The following NUDT10 variants were observed in gnomAD, a reference collection of about 807,000 sequenced individuals.
NUDT10 encodes diphosphoinositol polyphosphate phosphohydrolase 3-alpha.
A neutral mutation model predicts 10.5 loss-of-function variants in NUDT10; 2 were observed. That is an observed-to-expected ratio of 0.19 (90% CI 0.08 to 0.60). The LOEUF (loss-of-function observed/expected upper bound fraction) is 0.60, where lower values mean the gene tolerates loss of function less well. Among genes scored for constraint, NUDT10 ranks in the 20% least tolerant of loss-of-function variants. NUDT10 has a pLI of 0.89. For missense variants in NUDT10, 75 were observed against 149.5 expected, an observed-to-expected ratio of 0.50 and a Z score of 2.60; for synonymous variants, 53 against 71.8, an observed-to-expected ratio of 0.74 and a Z score of 1.32.
At chrX:51,333,948 T>TC (rs1557312524) in intron 1 of NUDT10, among the ~76,000 whole-genome samples, 9 of 111,067 alleles carry the variant, frequency 8.1e-5, no homozygotes, top group Non-Finnish European at 1.7e-4. Context: ...CTTTTAGTAT[T>TC]TTTTTCCCTT....
In NUDT10 at chrX:51,332,941, G is replaced by C. The variant is rs200239811; in HGVS notation, c.-25G>C. 122 of 1,206,990 alleles carry C rather than the reference G, an allele frequency of 1.0e-4. No individual in the cohort carries two copies. Among genetic ancestry groups the C allele is most frequent in the Non-Finnish European group, 1.3e-4 (118 of 893,209 alleles). ...GCGTCGGCGGCCCACACAGCAGCGA[G>C]AGGCGAGAGGAGGCTGCCTCGAGGA... On this transcript the variant is annotated 5_prime_UTR_variant, in exon 1 of 2. Transcript: ENST00000356450.
Position 51,332,864 on chromosome X carries a change from C to T in NUDT10, c.-102C>T. The T allele has an allele frequency of 9.1e-7, 1 of 1,093,559 alleles. No homozygotes were observed. Among genetic ancestry groups the T allele is most frequent in the Non-Finnish European group, 1.2e-6 (1 of 827,652 alleles). The allele number at this position is 1,093,559 out of a possible 1,213,427, so 90.1% of individuals were successfully genotyped here. On this transcript the variant is annotated 5_prime_UTR_variant, in exon 1 of 2. Transcript: ENST00000356450. ...GCCTCTCTCTCCCCGCCCCTCTCCTCGGCCCTTTCTCTTCCCAGCACCTCG... is the reference window on the plus strand; with the variant it reads ...GCCTCTCTCTCCCCGCCCCTCTCCTTGGCCCTTTCTCTTCCCAGCACCTCG...
In NUDT10 at chrX:51,336,826, A is replaced by G. The variant is rs1922851319; in HGVS notation, c.*587A>G. On this transcript the variant is annotated 3_prime_UTR_variant, in exon 2 of 2. Coordinates refer to ENST00000356450, the MANE Select transcript of NUDT10 (RefSeq NM_001304963.2). ...GTAAAATATATTTGCAAAGCCAGGCACAGTGTTACGCGTCTGCCTCAGGAG... is the reference window on the plus strand; with the variant it reads ...GTAAAATATATTTGCAAAGCCAGGCGCAGTGTTACGCGTCTGCCTCAGGAG... 1 of 112,071 alleles carries G rather than the reference A, an allele frequency of 8.9e-6. No homozygotes were observed. Among genetic ancestry groups the G allele is most frequent in the Admixed American group, 9.5e-5 (1 of 10,579 alleles). The allele number at this position is 112,071 out of a possible 1,213,427, so 9.2% of individuals were successfully genotyped here. A position where few individuals can be genotyped will look rare whatever the true frequency, so the allele number is the denominator to read the frequency against.
chrX:51,336,099 G>A, intron 1 of NUDT10, 140 bp from the exon 2 acceptor site: 1 of 421,838 alleles, frequency 2.4e-6, no homozygotes, highest in Middle Eastern at 5.0e-4. Context: ...GCCTCACAGT[G>A]AAACTGCATT....
chrX:51,333,339 C>A lies in NUDT10; in HGVS notation c.374C>A (p.Ala125Asp). 2 of 1,210,150 alleles carry A rather than the reference C, an allele frequency of 1.7e-6. No homozygotes were observed. Among genetic ancestry groups the A allele is most frequent in the Non-Finnish European group, 2.2e-6 (2 of 894,341 alleles). ...RKREWFKVEDAIKVLQCHKPV... is the reference protein window; with the variant it reads ...RKREWFKVEDDIKVLQCHKPV... ...CGAGAGTGGTTCAAAGTCGAAGATG[C>A]CATCAAGGTTCTCCAGTGCCACAAG... The change falls in exon 1 of 2, where the codon GCC (alanine) becomes GAC (aspartate). Residue 125 changes from alanine to aspartate, a missense_variant. Physicochemically the swap from Ala to Asp is moderately radical, Grantham distance 126. Coordinates refer to ENST00000356450, the MANE Select transcript of NUDT10 (RefSeq NM_001304963.2).
upstream of NUDT10, among the ~76,000 whole-genome samples, chrX:51,332,638 G>T (rs1444753762): frequency 2.7e-5 from 3 of 113,048 alleles, no homozygotes; most frequent in Non-Finnish European, 5.6e-5. Flanking sequence ...TCGCAGAAGC[G>T]GGTGGGCTCT....
upstream of NUDT10, among the ~76,000 whole-genome samples, chrX:51,332,578 G>A (rs1881369581): frequency 8.8e-6 from 1 of 112,995 alleles, no homozygotes; most frequent in African/African-American, 3.2e-5. Flanking sequence ...CCTCCCCTGC[G>A]AACGCGCACG....
At chrX:51,333,810 C>T (rs1487730610) in intron 1 of NUDT10, among the ~76,000 whole-genome samples, 1 of 102,103 alleles carries the variant, frequency 9.8e-6, no homozygotes, top group Non-Finnish European at 2.0e-5. Context: ...GCCTGTGCGC[C>T]CTGTGATGTT....
chrX:51,334,526 C>CTAACTAGCTA, intron 1 of NUDT10, among the ~76,000 whole-genome samples: 1 of 112,383 alleles, frequency 8.9e-6, no homozygotes, highest in South Asian at 3.7e-4. Flanking sequence ...TTAGCTCTAG[C>CTAACTAGCTA]GATGTTCAGC....
rs782038232 is a variant in NUDT10, at chrX:51,336,263, A to C, written c.*24A>C. 1 of 560,617 alleles carries C rather than the reference A, an allele frequency of 1.8e-6. No individual in the cohort carries two copies. Among genetic ancestry groups the C allele is most frequent in the Non-Finnish European group, 3.3e-6 (1 of 305,596 alleles). 46.2% of individuals were successfully genotyped at this position (560,617 alleles called of 1,213,427 possible). ...GGTGAATGGCATAGATGTTGTTCAG[A>C]TTTACTTTGAAAGAATCAAGTATGT... On this transcript the variant is annotated 3_prime_UTR_variant, in exon 2 of 2. Coordinates refer to ENST00000356450, the MANE Select transcript of NUDT10 (RefSeq NM_001304963.2).
In NUDT10 at chrX:51,336,660, A is replaced by G. The variant is rs1922846562; in HGVS notation, c.*421A>G. 8.6e-6 allele frequency: 1 copy of G among 116,148 alleles called. No homozygotes were observed. Among genetic ancestry groups the G allele is most frequent in the Admixed American group, 9.3e-5 (1 of 10,737 alleles). 9.6% of individuals were successfully genotyped at this position (116,148 alleles called of 1,213,427 possible). The stretch of plus-strand genomic sequence containing the variant: ...TAAACAATCCCTTTCTAATCTGTCT[A>G]GCATATATGTGACTTTTGTTTATCA... On this transcript the variant is annotated 3_prime_UTR_variant, in exon 2 of 2. Transcript: ENST00000356450.
At position 51,336,857 on chromosome X, in the gene NUDT10, G is replaced by A. The variant is rs1374063249; in HGVS notation, c.*618G>A. ...TTACGCGTCTGCCTCAGGAGGCTGAGGCAGAAGAATAGCTTGAGCCCAGGA... is the reference window on the plus strand; with the variant it reads ...TTACGCGTCTGCCTCAGGAGGCTGAAGCAGAAGAATAGCTTGAGCCCAGGA... On this transcript the variant is annotated 3_prime_UTR_variant, in exon 2 of 2. Transcript: ENST00000356450. The A allele has an allele frequency of 8.9e-6, 1 of 112,156 alleles. No homozygotes were observed. The highest frequency in any genetic ancestry group is 1.9e-5 in the Non-Finnish European group (1 of 53,275). The allele number at this position is 112,156 out of a possible 1,213,427, so 9.2% of individuals were successfully genotyped here.
chrX:51,333,555 G>T, intron 1 of NUDT10, 96 bp downstream of exon 1: 1 of 1,082,077 alleles, frequency 9.2e-7, no homozygotes, highest in Non-Finnish European at 1.2e-6. Context: ...GCGGTCTCAT[G>T]GGCAGGAGGG....
intron 1 of NUDT10, among the ~76,000 whole-genome samples, chrX:51,334,440 G>A (rs1410847858): frequency 8.9e-6 from 1 of 112,160 alleles, no homozygotes; most frequent in Non-Finnish European, 1.9e-5. Context: ...TGAATGTAGT[G>A]ACATTCCGCT....
At position 51,332,906 on chromosome X, in the gene NUDT10, G is replaced by T; in HGVS notation, c.-60G>T. 8.8e-7 allele frequency: 1 copy of T among 1,142,242 alleles called. No homozygotes were observed. The allele number at this position is 1,142,242 out of a possible 1,213,427, so 94.1% of individuals were successfully genotyped here. A position where few individuals can be genotyped will look rare whatever the true frequency, so the allele number is the denominator to read the frequency against. ...AGCACCTCGGCTGCTGCCCGGCAGC[G>T]GCAGCAGCTGCGTCGGCGGCCCACA... On this transcript the variant is annotated 5_prime_UTR_variant, in exon 1 of 2. Coordinates refer to ENST00000356450, the MANE Select transcript of NUDT10 (RefSeq NM_001304963.2).
chrX:51,333,690 C>T (rs1368742856), intron 1 of NUDT10, among the ~76,000 whole-genome samples: 5 of 95,474 alleles, frequency 5.2e-5, no homozygotes, highest in Non-Finnish European at 2.0e-5. Context: ...TAAAATGTTT[C>T]GGAGAAGCCT....
chrX:51,332,701 C>CGGGTTCGGCCGGCCGCCCA (rs1367487055), upstream of NUDT10: 6 of 378,485 alleles, frequency 1.6e-5, no homozygotes, highest in African/African-American at 1.6e-4. Context: ...CCGGCGGGCC[C>CGGGTTCGGCCGGCCGCCCA]GGGTTCGGCC....
At position 51,332,903 on chromosome X, in the gene NUDT10, A is replaced by G. The variant is rs1557312222; in HGVS notation, c.-63A>G. The G allele has an allele frequency of 9.5e-6, 11 of 1,152,205 alleles. No individual in the cohort carries two copies. In the East Asian group the frequency reaches 1.2e-4, roughly 13 times the overall value. 95.0% of individuals were successfully genotyped at this position (1,152,205 alleles called of 1,213,427 possible). A position where few individuals can be genotyped will look rare whatever the true frequency, so the allele number is the denominator to read the frequency against. On this transcript the variant is annotated 5_prime_UTR_variant, in exon 1 of 2. Coordinates refer to ENST00000356450, the MANE Select transcript of NUDT10 (RefSeq NM_001304963.2). ...CCCAGCACCTCGGCTGCTGCCCGGC[A>G]GCGGCAGCAGCTGCGTCGGCGGCCC...
rs1922713462 is a variant in NUDT10, at chrX:51,332,905, C to G, written c.-61C>G. 1 of 1,139,441 alleles carries G rather than the reference C, an allele frequency of 8.8e-7. No individual in the cohort carries two copies. 93.9% of individuals were successfully genotyped at this position (1,139,441 alleles called of 1,213,427 possible). A position where few individuals can be genotyped will look rare whatever the true frequency, so the allele number is the denominator to read the frequency against. Reference sequence around the variant, plus strand: ...CAGCACCTCGGCTGCTGCCCGGCAGCGGCAGCAGCTGCGTCGGCGGCCCAC... The same window carrying G: ...CAGCACCTCGGCTGCTGCCCGGCAGGGGCAGCAGCTGCGTCGGCGGCCCAC... On this transcript the variant is annotated 5_prime_UTR_variant, in exon 1 of 2. Coordinates refer to ENST00000356450, the MANE Select transcript of NUDT10 (RefSeq NM_001304963.2).
Sources: gnomAD v4.1 joint callset for allele counts (sites outside exome capture counted in the v4.1 genomes callset) on GRCh38, gnomAD v4.1.1 for gene constraint, MANE v1.5 for transcripts, NCBI Gene and HGNC (gene_info 2026-07-23, HGNC 2026-07-21) for gene names.